CCDC137: variants seen among roughly 807,000 people sequenced by gnomAD.
CCDC137 encodes the protein coiled-coil domain containing 137.
Under a neutral mutation model 30.4 loss-of-function variants are expected in CCDC137, and 24 were observed. The observed-to-expected ratio is 0.79, with a 90% CI of 0.57 to 1.11. The LOEUF (loss-of-function observed/expected upper bound fraction) is 1.11, where lower values mean the gene tolerates loss of function less well. Ranked by LOEUF, CCDC137 falls within the 50% of genes least tolerant of loss-of-function variation. CCDC137 has a pLI of 0.00. For missense variants in CCDC137, 417 were observed against 380.4 expected, an observed-to-expected ratio of 1.10 and a Z score of -0.80; for synonymous variants, 182 against 155.7, an observed-to-expected ratio of 1.17 and a Z score of -1.26.
intron 1 of CCDC137, 83 bp downstream of exon 1, chr17:81,666,983 G>A: frequency 8.2e-7 from 1 of 1,225,724 alleles, no homozygotes; most frequent in Non-Finnish European, 1.0e-6. Flanking sequence ...CCCCTAGGGA[G>A]CGTTCGCTCG....
chr17:81,670,454 G>T lies in CCDC137; in HGVS notation c.497+1G>T. 7 of 1,611,424 alleles carry T rather than the reference G, an allele frequency of 4.3e-6. No homozygotes were observed. Among genetic ancestry groups the T allele is most frequent in the Non-Finnish European group, 5.1e-6 (6 of 1,179,162 alleles). ...CTGAGCAGAAAAAAGCAAAAAAAGC[G>T]TGAGTGGAGGCGGGAGGGGGAGGGG... On this transcript the variant is annotated splice_donor_variant, in intron 3 of 5. Transcript: ENST00000329214. LOFTEE classifies it high-confidence loss of function.
intron 1 of CCDC137, among the ~76,000 whole-genome samples, chr17:81,667,430 C>G (rs941559359): frequency 2.6e-5 from 4 of 151,768 alleles, no homozygotes; most frequent in Non-Finnish European, 5.9e-5. Flanking sequence ...CGGGTTCACG[C>G]CATTCTCCTG....
intron 1 of CCDC137, 68 bp downstream of exon 1, chr17:81,666,968 G>C: frequency 8.1e-7 from 1 of 1,237,924 alleles, no homozygotes; most frequent in Non-Finnish European, 1.0e-6. Context: ...GGCTCCGCCC[G>C]GGACCCCCTA....
chr17:81,669,266 C>G (rs553258723), intron 2 of CCDC137, among the ~76,000 whole-genome samples: 3 of 151,992 alleles, frequency 2.0e-5, no homozygotes, highest in African/African-American at 4.8e-5. Context: ...GTGCCTCAGC[C>G]CCCCCAGTAG....
intron 2 of CCDC137, among the ~76,000 whole-genome samples, chr17:81,669,308 G>A (rs1373477372): frequency 6.6e-6 from 1 of 151,728 alleles, no homozygotes; most frequent in East Asian, 1.9e-4. Flanking sequence ...ACCATGCCCG[G>A]CTCGTTTTTG....
At position 81,671,957 on chromosome 17, in the gene CCDC137, C is replaced by A. The variant is rs2036723776; in HGVS notation, c.581-119C>A. 4.8e-6 allele frequency: 7 copies of A among 1,449,584 alleles called. No homozygotes were observed. In the Admixed American group the frequency reaches 1.2e-4, roughly 26 times the overall value. 89.8% of individuals were successfully genotyped at this position (1,449,584 alleles called of 1,614,324 possible). On this transcript the variant is annotated intron_variant, in intron 4 of 5. Transcript: ENST00000329214. ...CCTGGGGTCCACAGCCATTAGACCACTGGATGAGTTGGTGTTCTGTCCCAG... is the reference window on the plus strand; with the variant it reads ...CCTGGGGTCCACAGCCATTAGACCAATGGATGAGTTGGTGTTCTGTCCCAG...
In CCDC137 at chr17:81,672,624, G is replaced by C. The variant is rs747081294; in HGVS notation, c.790G>C (p.Ala264Pro). ...ERERAVQAYR[A>P]LKQRQQQLHG... ...AGAGCGGGCCGTGCAGGCCTACAGA[G>C]CGTTGAAGCAGCGGCAGCAGCAGCT... The change falls in exon 6 of 6, where the codon GCG (alanine) becomes CCG (proline). Residue 264 changes from alanine to proline, a missense_variant. Coordinates refer to ENST00000329214, the MANE Select transcript of CCDC137 (RefSeq NM_199287.3). 25 of 1,599,424 alleles carry C rather than the reference G, an allele frequency of 1.6e-5. No homozygotes were observed. Among genetic ancestry groups the C allele is most frequent in the Non-Finnish European group, 2.0e-5 (23 of 1,173,906 alleles).
chr17:81,672,013 C>T lies in CCDC137; in HGVS notation c.581-63C>T. 4 of 1,581,552 alleles carry T rather than the reference C, an allele frequency of 2.5e-6. 1 individual carries two copies. The highest frequency in any genetic ancestry group is 3.5e-6 in the Non-Finnish European group (4 of 1,150,886). On this transcript the variant is annotated intron_variant, in intron 4 of 5. Transcript: ENST00000329214. ...TGGGAGGGAGGTGGGCGGGTGGTGG[C>T]TCTGGGTGTCAGGGGTGCAGTGGCT...
chr17:81,669,972 C>A (rs1173521858), intron 2 of CCDC137: 3 of 504,370 alleles, frequency 5.9e-6, no homozygotes, highest in South Asian at 4.5e-5. Context: ...TAGGGGTGGA[C>A]ATTAGGTTGT....
intron 2 of CCDC137, among the ~76,000 whole-genome samples, chr17:81,668,868 A>G (rs1215883934): frequency 7.1e-6 from 1 of 140,582 alleles, no homozygotes; most frequent in East Asian, 2.1e-4. Flanking sequence ...TACCCAGCTA[A>G]TTTTTTGTGT....
chr17:81,670,476 G>T (rs1238751626), intron 3 of CCDC137, 23 bp downstream of exon 3: 3 of 1,597,930 alleles, frequency 1.9e-6, no homozygotes, highest in Non-Finnish European at 1.7e-6. Flanking sequence ...GGGAGGGGGA[G>T]GGGTCTGCCC....
rs149841490 is a variant in CCDC137, at chr17:81,667,022, C to T, written c.134+122C>T. ...CCCTTCCCCAGGTCGGGCTCAGTGC[C>T]CTCCTCTGTCTGTGCCCGCGGCCCA... On this transcript the variant is annotated intron_variant, in intron 1 of 5. Transcript: ENST00000329214. 236 of 1,049,120 alleles carry T rather than the reference C, an allele frequency of 2.2e-4. 1 individual carries two copies. The African/African-American group carries it at 3.3e-3, about 15-fold the overall frequency. 65.0% of individuals were successfully genotyped at this position (1,049,120 alleles called of 1,614,324 possible). A position where few individuals can be genotyped will look rare whatever the true frequency, so the allele number is the denominator to read the frequency against.
intron 2 of CCDC137, chr17:81,669,906 C>T (rs971622605): frequency 6.7e-6 from 2 of 300,140 alleles, no homozygotes; most frequent in Non-Finnish European, 1.3e-5. Context: ...CTTCTTTCGG[C>T]AGCTGTGCAA....
rs1258743563 is a variant in CCDC137, at chr17:81,671,746, T to A, written c.500T>A (p.Phe167Tyr). Residue 167 changes from phenylalanine (F) to tyrosine (Y), a missense_variant and splice_region_variant, in exon 4 of 6, where the codon TTC becomes TAC. By Grantham distance (22) the Phe-to-Tyr change is conservative (BLOSUM62 3). Transcript: ENST00000329214. Reference sequence around the variant, plus strand: ...GTGACATGTGCTTTCTTCCCCAGGTTCCAGAAGCGGCGACTAGATAAAGTC... The same window carrying A: ...GTGACATGTGCTTTCTTCCCCAGGTACCAGAAGCGGCGACTAGATAAAGTC... The part of the protein sequence containing the change: ...KSEQKKAKKA[F>Y]QKRRLDKVRR... The A allele has an allele frequency of 6.2e-7, 1 of 1,611,814 alleles. No individual in the cohort carries two copies. Among genetic ancestry groups the A allele is most frequent in the African/African-American group, 1.3e-5 (1 of 74,096 alleles).
chr17:81,669,742 T>C (rs2036696035), intron 2 of CCDC137, among the ~76,000 whole-genome samples: 1 of 152,112 alleles, frequency 6.6e-6, no homozygotes, highest in African/African-American at 2.4e-5. Context: ...TCTGTGTTTT[T>C]AGTAGAGACA....
At chr17:81,669,567 G>A (rs1012343551) in intron 2 of CCDC137, among the ~76,000 whole-genome samples, 1 of 152,104 alleles carries the variant, frequency 6.6e-6, no homozygotes, top group South Asian at 2.1e-4. Context: ...GTCTGCCCAC[G>A]TTTCTTTTTT....
chr17:81,671,992 AGGGAGGTGGGC>A, intron 4 of CCDC137, 73 bp from the exon 5 acceptor site: 2 of 1,512,730 alleles, frequency 1.3e-6, no homozygotes, highest in Non-Finnish European at 1.8e-6. Context: ...GCCCTATGGG[AGGGAGGTGGGC>A]GGGTGGTGGC....
At chr17:81,672,205 G>C (rs1356501878) in intron 5 of CCDC137, 50 bp downstream of exon 5, 3 of 1,577,810 alleles carry the variant, frequency 1.9e-6, no homozygotes, top group Non-Finnish European at 2.6e-6. Context: ...TGCTGCCAGG[G>C]AACAGAAGCC....
chr17:81,673,442 G>A lies in CCDC137; in HGVS notation c.*738G>A, dbSNP rs1474686459. The A allele has an allele frequency of 6.6e-6, 1 of 152,186 alleles. No individual in the cohort carries two copies. Among genetic ancestry groups the A allele is most frequent in the Non-Finnish European group, 1.5e-5 (1 of 68,020 alleles). The allele number at this position is 152,186 out of a possible 1,614,324, so 9.4% of individuals were successfully genotyped here. ...ACAGAGTTGTCACCTACCTAACAGG[G>A]CTCTGAGAGAGCCGGGAGGCCCAAA... is the stretch of plus-strand genomic sequence containing the variant. On this transcript the variant is annotated 3_prime_UTR_variant, in exon 6 of 6. Transcript: ENST00000329214.
Sources: allele counts gnomAD v4.1 joint callset (sites outside exome capture counted in the v4.1 genomes callset), GRCh38; gene constraint gnomAD v4.1.1; transcripts MANE v1.5; gene names NCBI Gene and HGNC (gene_info 2026-07-23, HGNC 2026-07-21).